The following PTPRG variants were observed in gnomAD, a reference collection of about 807,000 sequenced individuals.
PTPRG encodes receptor-type tyrosine-protein phosphatase gamma.
PTPRG carries 102 observed loss-of-function variants against 165.3 expected under a neutral mutation model. The ratio of observed to expected loss-of-function variants is 0.62; its 90% CI spans 0.53 to 0.73. PTPRG has a LOEUF of 0.73. Among genes scored for constraint, PTPRG ranks in the 30% least tolerant of loss-of-function variants. The probability of loss-of-function intolerance (pLI) is 0.00; values close to 1 mark genes in which losing one functional copy is unlikely to be tolerated. For synonymous variants in PTPRG, 675 were observed against 669.5 expected (o/e 1.01, Z -0.13); for missense variants, 1,866 against 1,861.4 (o/e 1.00, Z -0.05).
Position 62,036,044 on chromosome 3 carries a change from C to CAA in PTPRG, c.519+32563_519+32564dup, listed in dbSNP as rs77250969. Among the ~76,000 whole-genome samples, 1,135 of 117,752 alleles carry CAA rather than the reference C, an allele frequency of 9.6e-3. 13 individuals carry two copies. Among genetic ancestry groups the CAA allele is most frequent in the African/African-American group, 0.033 (1,080 of 32,404 alleles). The allele number at this position is 117,752 out of a possible 152,430, so 77.2% of individuals were successfully genotyped here. A position where few individuals can be genotyped will look rare whatever the true frequency, so the allele number is the denominator to read the frequency against. On this transcript the variant is annotated intron_variant, in intron 4 of 29. Coordinates refer to ENST00000474889, the MANE Select transcript of PTPRG (RefSeq NM_002841.4). ...TGTGCATTTGGAATGTGTCAGTGAC[C>CAA]AAAAAAAAAAAAAAAAATCCTGCCA...
At chr3:61,834,479 T>C (rs933901834) in intron 2 of PTPRG, among the ~76,000 whole-genome samples, 7 of 152,114 alleles carry the variant, frequency 4.6e-5, no homozygotes, top group Non-Finnish European at 1.0e-4. Context: ...GAGGATCGCT[T>C]GAGCCCAGGA....
intron 1 of PTPRG, among the ~76,000 whole-genome samples, chr3:61,738,287 T>C (rs1442065863): frequency 5.8e-5 from 4 of 69,114 alleles, no homozygotes; most frequent in Admixed American, 1.4e-4. Flanking sequence ...TACATATATA[T>C]ATATATATAT....
chr3:61,935,691 CTTT>C (rs58158573), intron 2 of PTPRG, among the ~76,000 whole-genome samples: 2 of 139,128 alleles, frequency 1.4e-5, no homozygotes. Context: ...AGTCCCTTAC[CTTT>C]TTTTTTTTTT....
intron 8 of PTPRG, among the ~76,000 whole-genome samples, chr3:62,186,715 G>A (rs7613248): frequency 0.098 from 14,849 of 151,858 alleles, 919 homozygotes; most frequent in East Asian, 0.35. Flanking sequence ...ATAGGTGTGC[G>A]CCACCACACC....
At chr3:61,948,723 G>A (rs1222517466) in intron 2 of PTPRG, among the ~76,000 whole-genome samples, 46 of 152,172 alleles carry the variant, frequency 3.0e-4, no homozygotes, top group Admixed American at 3.0e-3. Context: ...CTGGAGTATT[G>A]TATCAAGCAC....
At chr3:61,929,061 C>G (rs1178262958) in intron 2 of PTPRG, among the ~76,000 whole-genome samples, 6 of 152,052 alleles carry the variant, frequency 3.9e-5, no homozygotes, top group Non-Finnish European at 8.8e-5. Context: ...GTCTTTGGCC[C>G]CAAATGAGAA....
At chr3:61,975,474 A>G (rs575171514) in intron 2 of PTPRG, among the ~76,000 whole-genome samples, 2 of 152,220 alleles carry the variant, frequency 1.3e-5, no homozygotes, top group Admixed American at 6.5e-5. Context: ...CCTCAGAAAT[A>G]TGTTTTATTT....
chr3:62,274,744 A>G (rs1309930802), intron 23 of PTPRG, among the ~76,000 whole-genome samples: 1 of 152,172 alleles, frequency 6.6e-6, no homozygotes, highest in African/African-American at 2.4e-5. Context: ...CACTGAGTTC[A>G]GTCATAAAAT....
chr3:61,838,970 A>T (rs2036545467), intron 2 of PTPRG, among the ~76,000 whole-genome samples: 1 of 152,230 alleles, frequency 6.6e-6, no homozygotes, highest in South Asian at 2.1e-4. Context: ...AAGTTAGCAC[A>T]TATTAATTAA....
At chr3:61,887,162 ATATATATATT>A (rs2038071999) in intron 2 of PTPRG, among the ~76,000 whole-genome samples, 5 of 89,214 alleles carry the variant, frequency 5.6e-5, no homozygotes, top group South Asian at 3.3e-4. Flanking sequence ...ATATATATAT[ATATATATATT>A]TTTAATGCCA....
intron 2 of PTPRG, among the ~76,000 whole-genome samples, chr3:61,948,792 T>C (rs1479400): frequency 0.12 from 18,043 of 152,120 alleles, 1,163 homozygotes; most frequent in Middle Eastern, 0.19. Context: ...TGAGAGTTAA[T>C]GTATTTACCT....
chr3:61,611,693 C>A (rs1327324926), intron 1 of PTPRG, among the ~76,000 whole-genome samples: 1 of 152,114 alleles, frequency 6.6e-6, no homozygotes, highest in East Asian at 1.9e-4. Flanking sequence ...GGCCATATGC[C>A]TCAGTTGGAC....
At chr3:61,747,423 G>C (rs2033254160) in intron 1 of PTPRG, among the ~76,000 whole-genome samples, 1 of 152,134 alleles carries the variant, frequency 6.6e-6, no homozygotes, top group Admixed American at 6.5e-5. Flanking sequence ...AAAAATGAGT[G>C]GAAGCTTAAA....
intron 1 of PTPRG, among the ~76,000 whole-genome samples, chr3:61,703,135 A>G (rs1182758736): frequency 6.6e-6 from 1 of 152,064 alleles, no homozygotes; most frequent in African/African-American, 2.4e-5. Context: ...CTCCCCAGGT[A>G]AGGAAGTTGA....
At chr3:62,241,378 G>T (rs1043674939) in intron 14 of PTPRG, among the ~76,000 whole-genome samples, 4 of 152,156 alleles carry the variant, frequency 2.6e-5, no homozygotes, top group East Asian at 3.9e-4. Flanking sequence ...ATATTTGTGT[G>T]GGAGGCAAGT....
In PTPRG at chr3:62,195,444, C is replaced by G. The variant is rs1488044212; in HGVS notation, c.1327+274C>G. On this transcript the variant is annotated intron_variant, in intron 10 of 29. Coordinates refer to ENST00000474889, the MANE Select transcript of PTPRG (RefSeq NM_002841.4). The surrounding 1 kb of genome is among the most constrained non-coding windows in gnomAD (Gnocchi z 4.4). Reference sequence around the variant, plus strand: ...GAACCAAGTACTCGGGCCTTTTTCTCGGTCACTGTCCAGCGCTGTGTCAGA... The same window carrying G: ...GAACCAAGTACTCGGGCCTTTTTCTGGGTCACTGTCCAGCGCTGTGTCAGA... 6.6e-6 allele frequency among the ~76,000 whole-genome samples: 1 copy of G among 152,184 alleles called. No individual in the cohort carries two copies. Among genetic ancestry groups the G allele is most frequent in the African/African-American group, 2.4e-5 (1 of 41,438 alleles).
Position 62,255,903 on chromosome 3 carries a change from C to T in PTPRG, c.2559+688C>T, listed in dbSNP as rs536187287. 5.3e-5 allele frequency among the ~76,000 whole-genome samples: 8 copies of T among 152,150 alleles called. No homozygotes were observed. In the East Asian group the frequency reaches 1.2e-3, roughly 22 times the overall value. On this transcript the variant is annotated intron_variant, in intron 16 of 29. Transcript: ENST00000474889. This position sits in a 1 kb window ranked among gnomAD's most constrained non-coding sequence, Gnocchi z 4.0. ...AAACAAGGTAGAGAGAGGCATGTAC[C>T]ACCCTGCCAACTCTGGGTTCTGTGC... is the stretch of plus-strand genomic sequence containing the variant.
rs561801550 is a variant in PTPRG, at chr3:62,269,650, T to G, written c.3009+481T>G. ...TTTAGAAATTTACAGTGAACATAAG[T>G]GACCAGAGCACTGGTGTTAACAATA... On this transcript the variant is annotated intron_variant, in intron 20 of 29. Transcript: ENST00000474889. 4.6e-5 allele frequency among the ~76,000 whole-genome samples: 7 copies of G among 152,288 alleles called. No homozygotes were observed. The East Asian group carries it at 1.3e-3, about 29-fold the overall frequency.
At chr3:61,818,334 A>G (rs1188596675) in intron 2 of PTPRG, among the ~76,000 whole-genome samples, 1 of 152,206 alleles carries the variant, frequency 6.6e-6, no homozygotes, top group Admixed American at 6.5e-5. Context: ...AAACTCAGAA[A>G]TGCCAGAATT....
Sources: allele counts gnomAD v4.1 joint callset (sites outside exome capture counted in the v4.1 genomes callset), GRCh38; gene constraint gnomAD v4.1.1; non-coding constraint Gnocchi (gnomAD v3.1); transcripts MANE v1.5; gene names NCBI Gene and HGNC (gene_info 2026-07-23, HGNC 2026-07-21).